The following WWOX variants were observed in gnomAD, a reference collection of about 807,000 sequenced individuals.
WWOX encodes WW domain containing oxidoreductase.
Under a neutral mutation model 46.2 loss-of-function variants are expected in WWOX, and 69 were observed. The ratio of observed to expected loss-of-function variants is 1.49; its 90% CI spans 1.23 to 1.82. The LOEUF (loss-of-function observed/expected upper bound fraction) is 1.82, where lower values mean the gene tolerates loss of function less well. Among genes scored for constraint, WWOX ranks in the 40% most tolerant of loss-of-function variants. The pLI is 0.00. For missense variants in WWOX, 919 were observed against 542.6 expected (o/e 1.69, Z -6.89); for synonymous variants, 359 against 202.6 (o/e 1.77, Z -6.56).
intron 8 of WWOX, among the ~76,000 whole-genome samples, chr16:78,845,195 A>AG (rs2052267332): frequency 6.6e-6 from 1 of 151,212 alleles, no homozygotes; most frequent in East Asian, 1.9e-4. Flanking sequence ...AAAAAAAAAA[A>AG]GAATCCATTC....
At chr16:78,261,784 C>CTATATATA (rs1555510653) in intron 5 of WWOX, among the ~76,000 whole-genome samples, 11 of 50,888 alleles carry the variant, frequency 2.2e-4, no homozygotes, top group African/African-American at 3.7e-4. Context: ...ATCTATCTAT[C>CTATATATA]TATCTATATA....
At chr16:78,667,860 A>G (rs1226381430) in intron 8 of WWOX, among the ~76,000 whole-genome samples, 1 of 151,880 alleles carries the variant, frequency 6.6e-6, no homozygotes, top group Non-Finnish European at 1.5e-5. Context: ...GCAGTGTTGC[A>G]TTTTTTCCAT....
chr16:79,024,007 A>G (rs943989102), intron 8 of WWOX, among the ~76,000 whole-genome samples: 1 of 152,114 alleles, frequency 6.6e-6, no homozygotes, highest in African/African-American at 2.4e-5. Flanking sequence ...GATGCAAAAG[A>G]TGACCTAACA....
At position 78,742,411 on chromosome 16, in the gene WWOX, C is replaced by G. The variant is rs1217018309; in HGVS notation, c.1056+309659C>G. ...TGTTTCAGCGCCCTGGCTTCTGTGT[C>G]TTCATGTGCAAATGGAGATAATAGT... On this transcript the variant is annotated intron_variant, in intron 8 of 8. Coordinates refer to ENST00000566780, the MANE Select transcript of WWOX (RefSeq NM_016373.4). Among the ~76,000 whole-genome samples, 4 of 152,244 alleles carry G rather than the reference C, an allele frequency of 2.6e-5. No homozygotes were observed. The East Asian group carries it at 5.8e-4, about 22-fold the overall frequency.
chr16:78,722,304 G>T (rs995925313), intron 8 of WWOX, among the ~76,000 whole-genome samples: 2 of 152,132 alleles, frequency 1.3e-5, no homozygotes, highest in African/African-American at 4.8e-5. Flanking sequence ...GTGACTTTGA[G>T]CATCTTTACT....
chr16:78,357,031 C>A (rs1485598383), intron 5 of WWOX, among the ~76,000 whole-genome samples: 1 of 152,198 alleles, frequency 6.6e-6, no homozygotes, highest in East Asian at 1.9e-4. Flanking sequence ...TGCTGACATC[C>A]ATTTATCAAG....
At chr16:78,588,335 C>G (rs1377179496) in intron 8 of WWOX, among the ~76,000 whole-genome samples, 3 of 152,042 alleles carry the variant, frequency 2.0e-5, no homozygotes, top group Admixed American at 6.6e-5. Context: ...CATTTAATTC[C>G]CAGCCTGATT....
chr16:78,868,565 C>G (rs937591148), intron 8 of WWOX, among the ~76,000 whole-genome samples: 3 of 152,082 alleles, frequency 2.0e-5, no homozygotes, highest in Non-Finnish European at 4.4e-5. Context: ...AATTCCAGGA[C>G]CATTAAATCA....
intron 8 of WWOX, among the ~76,000 whole-genome samples, chr16:78,747,069 C>A (rs956287613): frequency 1.2e-4 from 18 of 152,250 alleles, no homozygotes; most frequent in Admixed American, 2.6e-4. Flanking sequence ...CTCCCAATAT[C>A]CTGCAACCAC....
At chr16:79,152,013 C>G (rs1268385426) in intron 8 of WWOX, among the ~76,000 whole-genome samples, 1 of 152,190 alleles carries the variant, frequency 6.6e-6, no homozygotes, top group East Asian at 1.9e-4. Flanking sequence ...TTTTCATTGT[C>G]ACTGTATTAA....
chr16:78,396,469 A>G (rs997331481), intron 6 of WWOX, among the ~76,000 whole-genome samples: 1 of 152,208 alleles, frequency 6.6e-6, no homozygotes, highest in Non-Finnish European at 1.5e-5. Context: ...TCATGAAATC[A>G]AAGTCATATA....
intron 8 of WWOX, among the ~76,000 whole-genome samples, chr16:78,480,499 G>C (rs762464948): frequency 9.9e-5 from 15 of 152,150 alleles, no homozygotes; most frequent in Non-Finnish European, 2.2e-4. Flanking sequence ...TAGGACTATT[G>C]TTGTCCATAT....
At chr16:78,397,416 G>T (rs1024253326) in intron 6 of WWOX, among the ~76,000 whole-genome samples, 1 of 152,172 alleles carries the variant, frequency 6.6e-6, no homozygotes, top group Non-Finnish European at 1.5e-5. Flanking sequence ...AAGAATGGCA[G>T]TGTTTAATGG....
intron 8 of WWOX, among the ~76,000 whole-genome samples, chr16:78,716,844 G>C (rs57861636): frequency 0.059 from 8,909 of 152,210 alleles, 541 homozygotes; most frequent in African/African-American, 0.16. Flanking sequence ...CGCAACCACA[G>C]CTGTGTGCAG....
At chr16:79,106,441 A>T (rs919293411) in intron 8 of WWOX, among the ~76,000 whole-genome samples, 1 of 152,138 alleles carries the variant, frequency 6.6e-6, no homozygotes, top group African/African-American at 2.4e-5. Context: ...AGATTGAGGG[A>T]TTCTGGGATG....
chr16:78,285,479 A>G (rs2079751990), intron 5 of WWOX, among the ~76,000 whole-genome samples: 1 of 152,094 alleles, frequency 6.6e-6, no homozygotes, highest in South Asian at 2.1e-4. Context: ...GGGAGGGATT[A>G]CGACCCTCAT....
At chr16:79,204,754 G>A (rs745881156) in intron 8 of WWOX, 8 of 152,264 alleles carry the variant, frequency 5.3e-5, no homozygotes, top group East Asian at 1.9e-4. Flanking sequence ...GGCTTTGGAC[G>A]CCTTTGGGTG....
intron 5 of WWOX, among the ~76,000 whole-genome samples, chr16:78,385,162 A>ACACACACACACACACACACACACACACAC (rs1567540757): frequency 3.3e-5 from 1 of 30,750 alleles, no homozygotes; most frequent in African/African-American, 2.0e-4. Flanking sequence ...CACACACACA[A>ACACACACACACACACACACACACACACAC]AAGCACAGGG....
rs191532446 is a variant in WWOX, at chr16:79,032,584, G to C, written c.1057-179024G>C. 1.4e-3 allele frequency among the ~76,000 whole-genome samples: 206 copies of C among 146,914 alleles called. 2 individuals carry two copies. Among genetic ancestry groups the C allele is most frequent in the Middle Eastern group, 3.7e-3 (1 of 268 alleles). ...TTTCCATACATACATATATAATTTG[G>C]GGGGCAAAAACATATATATAATGAA... is the stretch of plus-strand genomic sequence containing the variant. On this transcript the variant is annotated intron_variant, in intron 8 of 8. Coordinates refer to ENST00000566780, the MANE Select transcript of WWOX (RefSeq NM_016373.4).
Sources: gnomAD v4.1 joint callset for allele counts (sites outside exome capture counted in the v4.1 genomes callset) on GRCh38, gnomAD v4.1.1 for gene constraint, MANE v1.5 for transcripts, NCBI Gene and HGNC (gene_info 2026-07-23, HGNC 2026-07-21) for gene names.